AGPAT5: variants seen among roughly 807,000 people sequenced by gnomAD.
AGPAT5 encodes the protein 1-acyl-sn-glycerol-3-phosphate acyltransferase epsilon.
AGPAT5 carries 46 observed loss-of-function variants against 45.6 expected under a neutral mutation model. That is an observed-to-expected ratio of 1.01 (90% CI 0.80 to 1.29). The LOEUF is 1.29. Among genes scored for constraint, AGPAT5 ranks in the 50% most tolerant of loss-of-function variants. The pLI is 0.00. For synonymous variants in AGPAT5, 272 were observed against 167.0 expected, an observed-to-expected ratio of 1.63 and a Z score of -4.85; for missense variants, 673 against 450.7, an observed-to-expected ratio of 1.49 and a Z score of -4.47.
chr8:6,722,762 T>A (rs901083193), intron 1 of AGPAT5, among the ~76,000 whole-genome samples: 1 of 152,220 alleles, frequency 6.6e-6, no homozygotes, highest in African/African-American at 2.4e-5. Flanking sequence ...GTTTGTCCTT[T>A]GTGATGAAGA....
intron 6 of AGPAT5, among the ~76,000 whole-genome samples, chr8:6,754,630 G>A (rs1416294024): frequency 6.6e-6 from 1 of 152,162 alleles, no homozygotes; most frequent in African/African-American, 2.4e-5. Flanking sequence ...TGGGGAGGCA[G>A]CAGTCACCAT....
chr8:6,735,848 CCTTTTTTTTTT>C (rs1157946276), intron 4 of AGPAT5, among the ~76,000 whole-genome samples: 4 of 53,614 alleles, frequency 7.5e-5, no homozygotes, highest in Non-Finnish European at 1.2e-4. Context: ...CTTTATATAG[CCTTTTTTTTTT>C]TTTTTTTTTT....
At chr8:6,751,487 C>G (rs1801652908) in intron 6 of AGPAT5, among the ~76,000 whole-genome samples, 1 of 152,190 alleles carries the variant, frequency 6.6e-6, no homozygotes, top group Non-Finnish European at 1.5e-5. Flanking sequence ...AGCTGCAGTG[C>G]TAACAAATGC....
chr8:6,715,368 A>G (rs575962075), intron 1 of AGPAT5, among the ~76,000 whole-genome samples: 1 of 152,190 alleles, frequency 6.6e-6, no homozygotes, highest in South Asian at 2.1e-4. Flanking sequence ...GGATGTTAAG[A>G]TTGAAAAGAA....
chr8:6,745,385 G>A (rs1028041698), intron 5 of AGPAT5: 1 of 154,002 alleles, frequency 6.5e-6, no homozygotes, highest in East Asian at 1.9e-4. Flanking sequence ...AGAAGTCTGG[G>A]CCCCTTGCTT....
rs1039424540 is a variant in AGPAT5, at chr8:6,757,887, T to C, written c.*499T>C. 1.3e-5 allele frequency: 2 copies of C among 153,040 alleles called. No homozygotes were observed. The highest frequency in any genetic ancestry group is 1.9e-4 in the East Asian group (1 of 5,234). The allele number at this position is 153,040 out of a possible 1,614,324, so 9.5% of individuals were successfully genotyped here. On this transcript the variant is annotated 3_prime_UTR_variant, in exon 8 of 8. Transcript: ENST00000285518. ...TTGTATTTAGGAAGTGTCAGGATGT[T>C]CAAAGGAAAGGGTAAAAAGTGTTCA...
chr8:6,737,263 G>A (rs1404202221), intron 4 of AGPAT5, among the ~76,000 whole-genome samples: 2 of 152,086 alleles, frequency 1.3e-5, no homozygotes, highest in Non-Finnish European at 2.9e-5. Flanking sequence ...TAATATGTAC[G>A]CCCTGTGAGA....
chr8:6,712,172 G>T (rs569319862), intron 1 of AGPAT5, among the ~76,000 whole-genome samples: 164 of 152,142 alleles, frequency 1.1e-3, no homozygotes, highest in Middle Eastern at 3.4e-3. Flanking sequence ...AGAGAACCTG[G>T]TTTTCTGTAA....
chr8:6,721,374 G>C (rs1267260637), intron 1 of AGPAT5, among the ~76,000 whole-genome samples: 1 of 152,150 alleles, frequency 6.6e-6, no homozygotes, highest in African/African-American at 2.4e-5. Context: ...AGACTAGCTA[G>C]CTCTTTCTCT....
intron 1 of AGPAT5, among the ~76,000 whole-genome samples, chr8:6,710,571 A>T (rs1336529392): frequency 6.6e-6 from 1 of 152,170 alleles, no homozygotes; most frequent in Admixed American, 6.5e-5. Context: ...TAAAACCAAG[A>T]GTTTCTTGTT....
At chr8:6,754,457 G>C (rs1013943476) in intron 6 of AGPAT5, among the ~76,000 whole-genome samples, 2 of 152,216 alleles carry the variant, frequency 1.3e-5, no homozygotes, top group African/African-American at 4.8e-5. Flanking sequence ...CCCCAAGTTT[G>C]TTGTGGCTGT....
rs779671444 is a variant in AGPAT5, at chr8:6,747,680, A to G, written c.597A>G (p.Val199=). The G allele has an allele frequency of 3.1e-6, 5 of 1,613,868 alleles. No homozygotes were observed. The highest frequency in any genetic ancestry group is 1.7e-5 in the Admixed American group (1 of 59,994). ...QAFAAQRGLA[V]LKHVLTPRIK... ...TGAATTGACTTCTAGGCCTTGCAGT[A>G]TTAAAACATGTGCTAACACCACGAA... The change falls in exon 6 of 8, where the codon GTA becomes GTG. Residue 199 remains valine (V), a synonymous_variant. Coordinates refer to ENST00000285518, the MANE Select transcript of AGPAT5 (RefSeq NM_018361.5).
At chr8:6,750,213 C>G (rs1801614333) in intron 6 of AGPAT5, among the ~76,000 whole-genome samples, 1 of 152,208 alleles carries the variant, frequency 6.6e-6, no homozygotes, top group Non-Finnish European at 1.5e-5. Flanking sequence ...ACAGTGCTGG[C>G]ACTTAGCACA....
chr8:6,718,071 A>C (rs148062979), intron 1 of AGPAT5, among the ~76,000 whole-genome samples: 24 of 152,362 alleles, frequency 1.6e-4, no homozygotes, highest in African/African-American at 5.8e-4. Flanking sequence ...TTTGAAGACA[A>C]AATGAGATAA....
Position 6,760,314 on chromosome 8 carries a change from C to T in AGPAT5, c.*2926C>T, listed in dbSNP as rs1268395191. ...TCGGGAGGGTGAGGTGGGAGGATCG[C>T]TTCAGCCCAGGAGGTTGAGATTGCA... On this transcript the variant is annotated 3_prime_UTR_variant, in exon 8 of 8. Transcript: ENST00000285518. 6.6e-6 allele frequency among the ~76,000 whole-genome samples: 1 copy of T among 152,100 alleles called. No individual in the cohort carries two copies. The highest frequency in any genetic ancestry group is 1.5e-5 in the Non-Finnish European group (1 of 68,032).
At chr8:6,753,327 T>C (rs1477108680) in intron 6 of AGPAT5, among the ~76,000 whole-genome samples, 1 of 152,312 alleles carries the variant, frequency 6.6e-6, no homozygotes, top group East Asian at 1.9e-4. Context: ...GCACTTGAAA[T>C]ACCGGGTATC....
At chr8:6,708,925 C>G (rs1415024137) in intron 1 of AGPAT5, 38 bp downstream of exon 1, 7 of 1,571,388 alleles carry the variant, frequency 4.5e-6, no homozygotes, top group Middle Eastern at 1.7e-4. Context: ...GGCGTCCACC[C>G]GAGCTCCCGG....
intron 4 of AGPAT5, among the ~76,000 whole-genome samples, chr8:6,737,838 GT>G (rs1231427233): frequency 6.6e-6 from 1 of 152,196 alleles, no homozygotes; most frequent in Non-Finnish European, 1.5e-5. Flanking sequence ...TCAATTTTAT[GT>G]TATGGAGAGA....
At chr8:6,735,472 C>G (rs965499124) in intron 4 of AGPAT5, among the ~76,000 whole-genome samples, 1 of 152,190 alleles carries the variant, frequency 6.6e-6, no homozygotes, top group East Asian at 1.9e-4. Context: ...GTTCCACTGG[C>G]TCATACTTGG....
Sources: gnomAD v4.1 joint callset for allele counts (sites outside exome capture counted in the v4.1 genomes callset) on GRCh38, gnomAD v4.1.1 for gene constraint, MANE v1.5 for transcripts, NCBI Gene and HGNC (gene_info 2026-07-23, HGNC 2026-07-21) for gene names.